KLHL20: variants seen among roughly 807,000 people sequenced by gnomAD.
KLHL20 encodes the protein kelch like family member 20.
KLHL20 carries 29 observed loss-of-function variants against 69.5 expected under a neutral mutation model. The ratio of observed to expected loss-of-function variants is 0.42; its 90% CI spans 0.31 to 0.57. The LOEUF (loss-of-function observed/expected upper bound fraction) is 0.57. Ranked by LOEUF, KLHL20 falls within the 20% of genes least tolerant of loss-of-function variation. The probability of loss-of-function intolerance (pLI) is 0.18; values close to 1 mark genes in which losing one functional copy is unlikely to be tolerated. For synonymous variants in KLHL20, 253 were observed against 265.2 expected (o/e 0.95, Z 0.45); for missense variants, 419 against 776.0 (o/e 0.54, Z 5.47).
chr1:173,773,874 G>A (rs988441797), intron 8 of KLHL20, among the ~76,000 whole-genome samples: 4 of 151,978 alleles, frequency 2.6e-5, no homozygotes, highest in Admixed American at 1.3e-4. Flanking sequence ...TTAGCCAGGC[G>A]TGGTGGCAGG....
chr1:173,777,019 A>G (rs903527702), intron 10 of KLHL20, among the ~76,000 whole-genome samples: 3 of 152,296 alleles, frequency 2.0e-5, no homozygotes, highest in African/African-American at 7.2e-5. Context: ...TAGCATGGAC[A>G]TTTTAACAAT....
rs576757717 is a variant in KLHL20, at chr1:173,763,076, C to T, written c.1152-3070C>T. Among the ~76,000 whole-genome samples, 26 of 152,186 alleles carry T rather than the reference C, an allele frequency of 1.7e-4. No individual in the cohort carries two copies. The South Asian group carries it at 3.5e-3, about 21-fold the overall frequency. On this transcript the variant is annotated intron_variant, in intron 7 of 11. Coordinates refer to ENST00000209884, the MANE Select transcript of KLHL20 (RefSeq NM_014458.4). ...CACAAATCAGTAGCTCTTCTATACA[C>T]CAACAGCAACCAAGCGGAGAATCAA...
At chr1:173,722,351 G>A (rs1041100978) in intron 2 of KLHL20, among the ~76,000 whole-genome samples, 12 of 151,940 alleles carry the variant, frequency 7.9e-5, no homozygotes, top group African/African-American at 2.9e-4. Flanking sequence ...TGGGGGCACA[G>A]TGGCCTACAC....
At chr1:173,757,297 T>TACAC (rs1673593344) in intron 7 of KLHL20, 138 bp downstream of exon 7, 2 of 749,066 alleles carry the variant, frequency 2.7e-6, no homozygotes, top group Admixed American at 5.8e-5. Context: ...GTTAGTATGA[T>TACAC]ACACAAATTC....
intron 11 of KLHL20, among the ~76,000 whole-genome samples, chr1:173,782,943 G>T (rs1235125520): frequency 6.6e-6 from 1 of 152,056 alleles, no homozygotes; most frequent in Non-Finnish European, 1.5e-5. Flanking sequence ...AAATAATTAA[G>T]TCTAAATCTT....
chr1:173,755,213 C>A (rs61826821), intron 5 of KLHL20, among the ~76,000 whole-genome samples: 1 of 151,936 alleles, frequency 6.6e-6, no homozygotes. Context: ...CGCGTACCAC[C>A]ACACCCAGCT....
In KLHL20 at chr1:173,734,130, C is replaced by T. The variant is rs1571867992; in HGVS notation, c.441C>T (p.Leu147=). ...NVQTLLPAAC[L]LQLAEIQEAC... ...AGACTCTTCTGCCAGCTGCTTGCCT[C>T]CTCCAGCTGGCAGAAATACAGGAAG... The change falls in exon 3 of 12, where the codon CTC becomes CTT. Residue 147 remains leucine (L), a synonymous_variant. Coordinates refer to ENST00000209884, the MANE Select transcript of KLHL20 (RefSeq NM_014458.4). 3 of 1,614,224 alleles carry T rather than the reference C, an allele frequency of 1.9e-6. No homozygotes were observed. Among genetic ancestry groups the T allele is most frequent in the Non-Finnish European group, 2.5e-6 (3 of 1,180,042 alleles).
chr1:173,732,609 G>A (rs1672340146), intron 2 of KLHL20, among the ~76,000 whole-genome samples: 1 of 152,116 alleles, frequency 6.6e-6, no homozygotes, highest in African/African-American at 2.4e-5. Flanking sequence ...TGCTTCTTAT[G>A]AGGCACTGAA....
chr1:173,783,566 TTAAG>T (rs1327726539), intron 11 of KLHL20, among the ~76,000 whole-genome samples: 2 of 152,114 alleles, frequency 1.3e-5, no homozygotes, highest in East Asian at 1.9e-4. Context: ...GTCCTGTTCA[TTAAG>T]TAAAGATTTA....
At chr1:173,726,468 C>T (rs1164333818) in intron 2 of KLHL20, among the ~76,000 whole-genome samples, 1 of 152,172 alleles carries the variant, frequency 6.6e-6, no homozygotes, top group African/African-American at 2.4e-5. Context: ...GGGTCCCTGA[C>T]CCCCAAGTAG....
At chr1:173,741,064 T>C (rs1181183966) in intron 3 of KLHL20, among the ~76,000 whole-genome samples, 1 of 152,210 alleles carries the variant, frequency 6.6e-6, no homozygotes, top group Non-Finnish European at 1.5e-5. Flanking sequence ...TATATCCTTC[T>C]CCCATAATCT....
At chr1:173,774,509 CGT>C in intron 9 of KLHL20, 71 bp downstream of exon 9, 16 of 1,530,302 alleles carry the variant, frequency 1.0e-5, no homozygotes, top group South Asian at 2.3e-5. Context: ...TCCTACAAAA[CGT>C]GTAGAAACTC....
chr1:173,757,676 A>G lies in KLHL20; in HGVS notation c.1151+517A>G, dbSNP rs560684645. ...CGAGACTCCTTCTCAAAAAAAAAAAAAAAAGAAAAAAAAGACTTACATTTT... is the reference window on the plus strand; with the variant it reads ...CGAGACTCCTTCTCAAAAAAAAAAAGAAAAGAAAAAAAAGACTTACATTTT... On this transcript the variant is annotated intron_variant, in intron 7 of 11. Coordinates refer to ENST00000209884, the MANE Select transcript of KLHL20 (RefSeq NM_014458.4). 6.5e-4 allele frequency among the ~76,000 whole-genome samples: 99 copies of G among 152,120 alleles called. 1 individual carries two copies. The highest frequency in any genetic ancestry group is 2.2e-3 in the African/African-American group (90 of 41,500).
intron 10 of KLHL20, among the ~76,000 whole-genome samples, chr1:173,777,476 C>T (rs1648546083): frequency 6.6e-6 from 1 of 152,136 alleles, no homozygotes; most frequent in South Asian, 2.1e-4. Flanking sequence ...AGTGCGCATC[C>T]CTGTCTTGTT....
In KLHL20 at chr1:173,750,015, T is replaced by G. The variant is rs112026103; in HGVS notation, c.598-1749T>G. 9.3e-3 allele frequency among the ~76,000 whole-genome samples: 1,419 copies of G among 152,260 alleles called. 21 individuals carry two copies. Among genetic ancestry groups the G allele is most frequent in the African/African-American group, 0.031 (1,292 of 41,554 alleles). ...AAATTCCAGATAAACAAGTAATTTA[T>G]AGTATAAGTATGTCTTGTATTTTTG... On this transcript the variant is annotated intron_variant, in intron 3 of 11. Coordinates refer to ENST00000209884, the MANE Select transcript of KLHL20 (RefSeq NM_014458.4).
At chr1:173,718,173 C>T (rs555463261) in intron 2 of KLHL20, among the ~76,000 whole-genome samples, 1 of 152,178 alleles carries the variant, frequency 6.6e-6, no homozygotes, top group Non-Finnish European at 1.5e-5. Flanking sequence ...AGCAGTCCCC[C>T]TGCCTAGGCC....
chr1:173,775,796 C>A lies in KLHL20; in HGVS notation c.1592C>A (p.Thr531Asn). 6.2e-7 allele frequency: 1 copy of A among 1,614,148 alleles called. No individual in the cohort carries two copies. Among genetic ancestry groups the A allele is most frequent in the Non-Finnish European group, 8.5e-7 (1 of 1,180,034 alleles). ...LSSAERYNPR[T>N]NQWSPVVAMT... Reference sequence around the variant, plus strand: ...AGTGCTGAGAGATACAACCCCAGAACCAACCAGTGGTCTCCAGTGGTGGCC... The same window carrying A: ...AGTGCTGAGAGATACAACCCCAGAAACAACCAGTGGTCTCCAGTGGTGGCC... Residue 531 changes from threonine to asparagine, a missense_variant, in exon 10 of 12, where the codon ACC becomes AAC. By Grantham distance (65) the Thr-to-Asn change is moderately conservative. This residue lies in a region of KLHL20 where 79 missense variants were observed against 154.4 expected (regional missense o/e 0.51). Coordinates refer to ENST00000209884, the MANE Select transcript of KLHL20 (RefSeq NM_014458.4).
chr1:173,733,577 A>G, intron 2 of KLHL20, 136 bp from the exon 3 acceptor site: 5 of 748,820 alleles, frequency 6.7e-6, no homozygotes, highest in Non-Finnish European at 1.1e-5. Context: ...GTGAGACATC[A>G]TCTCTACAAA....
rs766730359 is a variant in KLHL20, at chr1:173,760,296, C to T, written c.1151+3137C>T. 2.6e-4 allele frequency among the ~76,000 whole-genome samples: 25 copies of T among 95,586 alleles called. 1 individual carries two copies. Among genetic ancestry groups the T allele is most frequent in the African/African-American group, 6.9e-4 (23 of 33,100 alleles). The allele number at this position is 95,586 out of a possible 152,430, so 62.7% of individuals were successfully genotyped here. On this transcript the variant is annotated intron_variant, in intron 7 of 11. Transcript: ENST00000209884. ...ATTCTAAAAGCCTGGAAAACATACT[C>T]GGGAGAGTAATCAAGGAAAATATCC...
Sources: gnomAD v4.1 joint callset for allele counts (sites outside exome capture counted in the v4.1 genomes callset) on GRCh38, gnomAD v4.1.1 for gene constraint, gnomAD v4.1.1 regional missense constraint, MANE v1.5 for transcripts, NCBI Gene and HGNC (gene_info 2026-07-23, HGNC 2026-07-21) for gene names.